Variants in STK33 observed in about 807,000 individuals in gnomAD.
The protein encoded by STK33 is serine/threonine kinase 33, also known as serine/threonine-protein kinase 33.
Under a neutral mutation model 58.0 loss-of-function variants are expected in STK33, and 52 were observed. That is an observed-to-expected ratio of 0.90 (90% CI 0.72 to 1.13). STK33 has a LOEUF of 1.13. Ranked by LOEUF, STK33 falls within the 50% of genes most tolerant of loss-of-function variation. STK33 has a pLI of 0.00. For synonymous variants in STK33, 215 were observed against 200.1 expected (o/e 1.07, Z -0.63); for missense variants, 630 against 604.2 (o/e 1.04, Z -0.45).
intron 15 of STK33, among the ~76,000 whole-genome samples, chr11:8,409,888 G>C (rs567809231): frequency 2.0e-5 from 3 of 152,160 alleles, no homozygotes; most frequent in Admixed American, 2.0e-4. Context: ...TTACAGATGA[G>C]AAAATGGAGG....
At chr11:8,535,206 C>T (rs1430336427) in intron 1 of STK33, among the ~76,000 whole-genome samples, 1 of 152,144 alleles carries the variant, frequency 6.6e-6, no homozygotes, top group Non-Finnish European at 1.5e-5. Flanking sequence ...GGTCCATATA[C>T]TGAGTTATTG....
At chr11:8,381,410 G>C in the STK33 span, among the ~76,000 whole-genome samples, 2 of 152,162 alleles carry the variant, frequency 1.3e-5, no homozygotes, top group Non-Finnish European at 2.9e-5. Flanking sequence ...TGTGGCTAAG[G>C]GTTAGGGCTC....
chr11:8,389,679 G>T (rs1031603737), downstream of STK33, among the ~76,000 whole-genome samples: 3 of 152,188 alleles, frequency 2.0e-5, no homozygotes, highest in Non-Finnish European at 2.9e-5. Flanking sequence ...GGTTGCTTTT[G>T]ATCTGTCTAA....
intron 15 of STK33, among the ~76,000 whole-genome samples, chr11:8,406,723 A>C (rs1939283229): frequency 6.6e-6 from 1 of 152,128 alleles, no homozygotes; most frequent in Non-Finnish European, 1.5e-5. Context: ...CAACCTCTTT[A>C]ATTCACTTTT....
intron 1 of STK33, among the ~76,000 whole-genome samples, chr11:8,574,941 AG>A (rs1263336105): frequency 6.6e-6 from 1 of 152,070 alleles, no homozygotes; most frequent in East Asian, 1.9e-4. Context: ...GCTACAAAGG[AG>A]GCTGAGGCAG....
chr11:8,520,630 T>C (rs189623033), intron 1 of STK33, among the ~76,000 whole-genome samples: 3 of 152,266 alleles, frequency 2.0e-5, no homozygotes, highest in Admixed American at 1.3e-4. Context: ...TAAGCTGATA[T>C]GCAACTTCAG....
At chr11:8,369,295 CTGTGTGTGTGTGTGTG>C in the STK33 span, among the ~76,000 whole-genome samples, 3 of 137,660 alleles carry the variant, frequency 2.2e-5, no homozygotes, top group South Asian at 2.6e-4. Flanking sequence ...GGTTTTTACT[CTGTGTGTGTGTGTGTG>C]TGTGTGTGTG....
chr11:8,408,502 A>C (rs1420890944), intron 15 of STK33, among the ~76,000 whole-genome samples: 2 of 152,192 alleles, frequency 1.3e-5, no homozygotes, highest in Non-Finnish European at 2.9e-5. Context: ...TTAGAACAAA[A>C]GCCTTGTTTA....
the STK33 span, among the ~76,000 whole-genome samples, chr11:8,365,865 A>G: frequency 2.6e-5 from 4 of 151,950 alleles, no homozygotes; most frequent in Non-Finnish European, 5.9e-5. Context: ...AGAGTCCTGG[A>G]ACTCGGGCTT....
chr11:8,492,753 T>C (rs1158506574), intron 1 of STK33, among the ~76,000 whole-genome samples: 1 of 152,080 alleles, frequency 6.6e-6, no homozygotes. Context: ...CTGTCTCTCA[T>C]ATGACAGTGC....
At chr11:8,415,537 T>C (rs1357332693) in intron 14 of STK33, among the ~76,000 whole-genome samples, 2 of 152,148 alleles carry the variant, frequency 1.3e-5, no homozygotes, top group East Asian at 1.9e-4. Context: ...CCTGGGTTCC[T>C]GAGTAAGGAC....
At chr11:8,343,572 G>A in the STK33 span, among the ~76,000 whole-genome samples, 1 of 152,184 alleles carries the variant, frequency 6.6e-6, no homozygotes, top group Admixed American at 6.5e-5. Flanking sequence ...GAAAGGGTGG[G>A]GACTGGGTGC....
At chr11:8,413,342 C>A (rs1940599779) in intron 15 of STK33, among the ~76,000 whole-genome samples, 153 bp downstream of exon 15, 1 of 152,214 alleles carries the variant, frequency 6.6e-6, no homozygotes, top group Non-Finnish European at 1.5e-5. Context: ...CTAAATCATG[C>A]TAGCCTTATA....
the STK33 span, among the ~76,000 whole-genome samples, chr11:8,338,996 C>T: frequency 1.3e-4 from 20 of 152,276 alleles, no homozygotes; most frequent in African/African-American, 4.3e-4. Context: ...CCTTAGGCCC[C>T]GGCATCACTT....
chr11:8,430,050 C>A (rs1943236172), intron 14 of STK33, among the ~76,000 whole-genome samples: 1 of 152,168 alleles, frequency 6.6e-6, no homozygotes. Flanking sequence ...ACAAGCACAG[C>A]AGCAATCATG....
At chr11:8,347,491 C>G in the STK33 span, among the ~76,000 whole-genome samples, 3 of 152,254 alleles carry the variant, frequency 2.0e-5, no homozygotes, top group African/African-American at 4.8e-5. Flanking sequence ...GTGGTGGGCT[C>G]TGTTCCCTAT....
At chr11:8,425,370 G>A (rs1233502618) in intron 14 of STK33, among the ~76,000 whole-genome samples, 2 of 152,164 alleles carry the variant, frequency 1.3e-5, no homozygotes, top group Non-Finnish European at 2.9e-5. Context: ...CCAGTACCAT[G>A]CTGTTTTGGT....
chr11:8,345,366 G>A, the STK33 span, among the ~76,000 whole-genome samples: 3 of 152,236 alleles, frequency 2.0e-5, no homozygotes, highest in African/African-American at 7.2e-5. Context: ...TGTAACTAGA[G>A]CCTGGCACAG....
At position 8,425,610 on chromosome 11, in the gene STK33, T is replaced by G. The variant is rs2136012633; in HGVS notation, c.1146+9884A>C. ...TTGTTAGTGTTTGCCTGATATGTCC[T>G]TTTCCATTTTTGTGTTTCAATATTT... On this transcript the variant is annotated intron_variant, in intron 14 of 15. Transcript: ENST00000687296. Among the ~76,000 whole-genome samples, 3 of 152,346 alleles carry G rather than the reference T, an allele frequency of 2.0e-5. No individual in the cohort carries two copies. The Middle Eastern group carries it at 0.01, about 518-fold the overall frequency.
Sources: gnomAD v4.1 joint callset for allele counts (sites outside exome capture counted in the v4.1 genomes callset) on GRCh38, gnomAD v4.1.1 for gene constraint, MANE v1.5 for transcripts, NCBI Gene and HGNC (gene_info 2026-07-23, HGNC 2026-07-21) for gene names.